The following CARMIL1 variants were observed in gnomAD, a reference collection of about 807,000 sequenced individuals.
The protein encoded by CARMIL1 is F-actin-uncapping protein LRRC16A.
A neutral mutation model predicts 177.1 loss-of-function variants in CARMIL1; 90 were observed. The observed-to-expected ratio is 0.51, with a 90% CI of 0.43 to 0.61. The LOEUF (loss-of-function observed/expected upper bound fraction) is 0.61. Ranked by LOEUF, CARMIL1 falls within the 20% of genes least tolerant of loss-of-function variation. The pLI is 0.00. For missense variants in CARMIL1, 1,380 were observed against 1,667.0 expected, an observed-to-expected ratio of 0.83 and a Z score of 3.00; for synonymous variants, 577 against 606.2, an observed-to-expected ratio of 0.95 and a Z score of 0.71.
chr6:25,392,878 G>T (rs543033396), intron 2 of CARMIL1, among the ~76,000 whole-genome samples: 55 of 151,984 alleles, frequency 3.6e-4, no homozygotes, highest in African/African-American at 1.3e-3. Flanking sequence ...TAGAGTTTAG[G>T]TCTAGTGGAT....
rs150312124 is a variant in CARMIL1 at position 25,367,777 on chromosome 6, C to G, written c.139-52337C>G. Among the ~76,000 whole-genome samples, 1,169 of 152,292 alleles carry G rather than the reference C, an allele frequency of 7.7e-3. 12 individuals carry two copies. The highest frequency in any genetic ancestry group is 0.026 in the African/African-American group (1,087 of 41,552). On this transcript the variant is annotated intron_variant, in intron 2 of 36. Transcript: ENST00000329474. ...CTGCATTCAGACTCTCCCCCAAACC[C>G]CGACGGAGCCTCGGTCTGTCGCCTA...
intron 3 of CARMIL1, among the ~76,000 whole-genome samples, chr6:25,421,637 A>G (rs1414252282): frequency 2.6e-5 from 4 of 151,184 alleles, no homozygotes; most frequent in Non-Finnish European, 4.4e-5. Context: ...ATGTCCAACA[A>G]TGATAGACTG....
Position 25,551,056 on chromosome 6 carries a change from G to A in CARMIL1, c.2475G>A (p.Gln825=). 1 of 1,613,228 alleles carries A rather than the reference G, an allele frequency of 6.2e-7. No homozygotes were observed. Among genetic ancestry groups the A allele is most frequent in the Non-Finnish European group, 8.5e-7 (1 of 1,179,498 alleles). The part of the protein sequence containing the change: ...RTFVKNVLLE[Q]SGIDILNKIS... ...TTGTTAAAAATGTCCTGTTGGAGCAGTCTGGAATTGATATCCTTAACAAAA... is the reference window on the plus strand; with the variant it reads ...TTGTTAAAAATGTCCTGTTGGAGCAATCTGGAATTGATATCCTTAACAAAA... The change falls in exon 27 of 37, where the codon CAG becomes CAA. Residue 825 remains glutamine (Q), a synonymous_variant. Coordinates refer to ENST00000329474, the MANE Select transcript of CARMIL1 (RefSeq NM_017640.6).
At chr6:25,299,266 G>A (rs577867379) in intron 2 of CARMIL1, among the ~76,000 whole-genome samples, 16 of 151,138 alleles carry the variant, frequency 1.1e-4, no homozygotes, top group African/African-American at 3.9e-4. Context: ...TGCCTCCCGG[G>A]CTCAAGGGAT....
At chr6:25,597,941 C>T (rs552679419) in intron 32 of CARMIL1, among the ~76,000 whole-genome samples, 13 of 152,240 alleles carry the variant, frequency 8.5e-5, no homozygotes, top group African/African-American at 2.4e-4. Context: ...TTCTAGCTTC[C>T]GGTGTTGCTA....
At chr6:25,511,874 T>C (rs1346266310) in intron 20 of CARMIL1, among the ~76,000 whole-genome samples, 1 of 152,214 alleles carries the variant, frequency 6.6e-6, no homozygotes, top group East Asian at 1.9e-4. Flanking sequence ...TGAATCTCAT[T>C]ATTGTTTAAT....
intron 2 of CARMIL1, among the ~76,000 whole-genome samples, chr6:25,319,115 CTGTTCT>C (rs904522648): frequency 2.0e-5 from 3 of 152,108 alleles, no homozygotes; most frequent in Non-Finnish European, 2.9e-5. Flanking sequence ...TGAGGATAGA[CTGTTCT>C]TAAAGGATCC....
chr6:25,428,526 G>A (rs898440983), intron 4 of CARMIL1, among the ~76,000 whole-genome samples: 6 of 151,984 alleles, frequency 3.9e-5, no homozygotes, highest in Non-Finnish European at 5.9e-5. Flanking sequence ...TTGCAATTCC[G>A]TATGAATTTT....
intron 2 of CARMIL1, among the ~76,000 whole-genome samples, chr6:25,312,016 T>G (rs6917631): frequency 0.21 from 31,634 of 152,156 alleles, 4,232 homozygotes; most frequent in East Asian, 0.4. Flanking sequence ...AGGCAACGAT[T>G]ACAACAAAAG....
At chr6:25,384,515 GA>G (rs1791951420) in intron 2 of CARMIL1, among the ~76,000 whole-genome samples, 1 of 152,252 alleles carries the variant, frequency 6.6e-6, no homozygotes, top group Non-Finnish European at 1.5e-5. Flanking sequence ...TCCGTTGGGT[GA>G]TGGTTGAGGT....
chr6:25,459,253 TCTTTCTTTCTTTC>T (rs1799851777), intron 8 of CARMIL1, among the ~76,000 whole-genome samples: 13 of 117,700 alleles, frequency 1.1e-4, no homozygotes, highest in African/African-American at 3.8e-4. Flanking sequence ...TTTCTTTCTT[TCTTTCTTTCTTTC>T]TTTTTTTTTT....
intron 2 of CARMIL1, among the ~76,000 whole-genome samples, chr6:25,357,488 G>T (rs1177647203): frequency 2.6e-5 from 4 of 152,146 alleles, no homozygotes; most frequent in Non-Finnish European, 4.4e-5. Flanking sequence ...GAAGGTTCAG[G>T]CATGAGAATC....
At chr6:25,332,508 G>A (rs1410173654) in intron 2 of CARMIL1, among the ~76,000 whole-genome samples, 1 of 152,066 alleles carries the variant, frequency 6.6e-6, no homozygotes, top group Non-Finnish European at 1.5e-5. Context: ...TGGGGAATGA[G>A]GGAAAAAGAA....
intron 29 of CARMIL1, among the ~76,000 whole-genome samples, chr6:25,578,534 A>G (rs895140783): frequency 2.3e-4 from 35 of 152,198 alleles, no homozygotes; most frequent in Non-Finnish European, 1.5e-5. Context: ...GGAAGTCCAC[A>G]TTTTCTGTAA....
chr6:25,540,493 A>C (rs1387142778), intron 26 of CARMIL1, among the ~76,000 whole-genome samples: 2 of 152,196 alleles, frequency 1.3e-5, no homozygotes, highest in Non-Finnish European at 2.9e-5. Flanking sequence ...TAATCTTCAA[A>C]GGGGCTGGTT....
chr6:25,516,289 TCAAAACC>T (rs66661506), intron 21 of CARMIL1, among the ~76,000 whole-genome samples: 33,622 of 151,874 alleles, frequency 0.22, 4,255 homozygotes, highest in African/African-American at 0.35. Context: ...GTCTGCTGGT[TCAAAACC>T]CAAAACCAGG....
rs746843801 is a variant in CARMIL1, at chr6:25,550,999, C to T, written c.2418C>T (p.Ala806=). The stretch of plus-strand genomic sequence containing the variant: ...ACATTCGACAAGACTTGATTCATGC[C>T]AGCACCGAAAAGATTTCTATTCCAC... ...KAHIRQDLIH[A]STEKISIPRT... The change falls in exon 27 of 37, where the codon GCC becomes GCT. Residue 806 remains alanine, a synonymous_variant. Transcript: ENST00000329474. The T allele has an allele frequency of 6.8e-6, 11 of 1,613,326 alleles. No homozygotes were observed. The African/African-American group carries it at 1.3e-4, about 20-fold the overall frequency.
Position 25,594,341 on chromosome 6 carries a change from G to A in CARMIL1, c.3007-74G>A, listed in dbSNP as rs989451530. The A allele has an allele frequency of 3.0e-4, 278 of 939,868 alleles. No individual in the cohort carries two copies. In the African/African-American group the frequency reaches 3.8e-3, roughly 13 times the overall value. The allele number at this position is 939,868 out of a possible 1,614,324, so 58.2% of individuals were successfully genotyped here. A position where few individuals can be genotyped will look rare whatever the true frequency, so the allele number is the denominator to read the frequency against. The stretch of plus-strand genomic sequence containing the variant: ...CCCTCCCATAGCCCTTAATCACAGT[G>A]TCTTAAATCTAGTAATAAATGTTTG... On this transcript the variant is annotated intron_variant, in intron 31 of 36. Transcript: ENST00000329474.
At chr6:25,419,413 G>A (rs1795643362) in intron 2 of CARMIL1, among the ~76,000 whole-genome samples, 1 of 152,180 alleles carries the variant, frequency 6.6e-6, no homozygotes, top group Non-Finnish European at 1.5e-5. Flanking sequence ...CTTCATGGAT[G>A]TGGGATCCTG....
Sources: gnomAD v4.1 joint callset for allele counts (sites outside exome capture counted in the v4.1 genomes callset) on GRCh38, gnomAD v4.1.1 for gene constraint, MANE v1.5 for transcripts, NCBI Gene and HGNC (gene_info 2026-07-23, HGNC 2026-07-21) for gene names.